The following FHOD3 variants were observed in gnomAD, a reference collection of about 807,000 sequenced individuals.
FHOD3 encodes the protein FH1/FH2 domain-containing protein 3.
Under a neutral mutation model 173.0 loss-of-function variants are expected in FHOD3, and 90 were observed. The ratio of observed to expected loss-of-function variants is 0.52; its 90% CI spans 0.44 to 0.62. FHOD3 has a LOEUF of 0.62. Ranked by LOEUF, FHOD3 falls within the 20% of genes least tolerant of loss-of-function variation. The pLI is 0.00. For missense variants in FHOD3, 1,945 were observed against 2,034.7 expected, an observed-to-expected ratio of 0.96 and a Z score of 0.85; for synonymous variants, 828 against 823.0, an observed-to-expected ratio of 1.01 and a Z score of -0.10.
At chr18:36,520,459 T>G (rs2056220201) in intron 5 of FHOD3, among the ~76,000 whole-genome samples, 1 of 152,190 alleles carries the variant, frequency 6.6e-6, no homozygotes, top group Admixed American at 6.5e-5. Flanking sequence ...ACTTTTTACC[T>G]ACAGAAAGGG....
intron 15 of FHOD3, among the ~76,000 whole-genome samples, chr18:36,684,990 A>G (rs1027376512): frequency 6.6e-6 from 1 of 152,084 alleles, no homozygotes; most frequent in Non-Finnish European, 1.5e-5. Context: ...TTTTTTGTAG[A>G]GATGAGGTTT....
intron 2 of FHOD3, among the ~76,000 whole-genome samples, chr18:36,369,050 C>A (rs2047037559): frequency 6.6e-6 from 1 of 152,180 alleles, no homozygotes; most frequent in African/African-American, 2.4e-5. Context: ...GCATGATAAG[C>A]ATTCCATAAA....
intron 5 of FHOD3, among the ~76,000 whole-genome samples, chr18:36,560,657 G>A (rs1225417858): frequency 1.3e-5 from 2 of 152,164 alleles, no homozygotes; most frequent in Non-Finnish European, 2.9e-5. Context: ...GGGTGTGTAT[G>A]TCAGTCTTTA....
Position 36,297,841 on chromosome 18 carries a change from C to A in FHOD3, c.6C>A (p.Ala2=). The change falls in exon 1 of 29, where the codon GCC becomes GCA. Residue 2 remains alanine, a synonymous_variant. Transcript: ENST00000590592. ...CCCCGCGGCAGGGATGCATCATGGCCACGCTGGCTTGCCGGGTGCAGTTCT... is the reference window on the plus strand; with the variant it reads ...CCCCGCGGCAGGGATGCATCATGGCAACGCTGGCTTGCCGGGTGCAGTTCT... M[A]TLACRVQFLD... 2 of 1,526,662 alleles carry A rather than the reference C, an allele frequency of 1.3e-6. No homozygotes were observed. Among genetic ancestry groups the A allele is most frequent in the Non-Finnish European group, 1.8e-6 (2 of 1,136,398 alleles). 94.6% of individuals were successfully genotyped at this position (1,526,662 alleles called of 1,614,324 possible).
At chr18:36,440,051 C>T (rs1320886000) in intron 3 of FHOD3, among the ~76,000 whole-genome samples, 2 of 152,282 alleles carry the variant, frequency 1.3e-5, no homozygotes, top group South Asian at 4.1e-4. Flanking sequence ...GTCAAGTTGA[C>T]ACTTAACCTC....
chr18:36,532,685 C>G (rs2056835339), intron 5 of FHOD3, among the ~76,000 whole-genome samples: 1 of 152,188 alleles, frequency 6.6e-6, no homozygotes, highest in Non-Finnish European at 1.5e-5. Context: ...ACGTGTTGTT[C>G]CACAAATCCT....
At chr18:36,307,807 A>C (rs2092143620) in intron 1 of FHOD3, among the ~76,000 whole-genome samples, 1 of 152,248 alleles carries the variant, frequency 6.6e-6, no homozygotes, top group South Asian at 2.1e-4. Flanking sequence ...GAATGAACAC[A>C]TGGATACATT....
chr18:36,701,403 A>C (rs1418631464), intron 17 of FHOD3, among the ~76,000 whole-genome samples: 1 of 152,216 alleles, frequency 6.6e-6, no homozygotes, highest in African/African-American at 2.4e-5. Context: ...AGAATAATTG[A>C]ACCTGAAATT....
intron 1 of FHOD3, among the ~76,000 whole-genome samples, chr18:36,314,567 A>G (rs1413883928): frequency 1.3e-5 from 2 of 152,182 alleles, no homozygotes; most frequent in Non-Finnish European, 2.9e-5. Flanking sequence ...GGGAACAGAT[A>G]TTTAAGAAGT....
At chr18:36,611,248 T>C (rs1806998170) in intron 8 of FHOD3, among the ~76,000 whole-genome samples, 1 of 152,210 alleles carries the variant, frequency 6.6e-6, no homozygotes, top group African/African-American at 2.4e-5. Context: ...GTAGGTTAGT[T>C]TTCTATTGCC....
At chr18:36,301,186 C>T (rs972675519) in intron 1 of FHOD3, among the ~76,000 whole-genome samples, 1 of 152,198 alleles carries the variant, frequency 6.6e-6, no homozygotes, top group Non-Finnish European at 1.5e-5. Context: ...ATTTTTAAAG[C>T]TCTCCTAGGG....
chr18:36,646,449 T>C (rs1260158253), intron 10 of FHOD3, among the ~76,000 whole-genome samples: 1 of 152,188 alleles, frequency 6.6e-6, no homozygotes, highest in Non-Finnish European at 1.5e-5. Context: ...TGTCAGTTCT[T>C]CAAATTTGCA....
At chr18:36,473,369 G>A (rs1409397279) in intron 3 of FHOD3, among the ~76,000 whole-genome samples, 1 of 152,212 alleles carries the variant, frequency 6.6e-6, no homozygotes, top group Non-Finnish European at 1.5e-5. Flanking sequence ...AGCCAAGATT[G>A]TGCCACTGCA....
At chr18:36,385,618 T>C (rs1198126151) in intron 3 of FHOD3, among the ~76,000 whole-genome samples, 1 of 152,202 alleles carries the variant, frequency 6.6e-6, no homozygotes, top group Non-Finnish European at 1.5e-5. Flanking sequence ...GCTAGACTGG[T>C]CTCAAACTCC....
At chr18:36,321,793 G>C (rs1224966709) in intron 1 of FHOD3, among the ~76,000 whole-genome samples, 3 of 152,162 alleles carry the variant, frequency 2.0e-5, no homozygotes, top group Non-Finnish European at 2.9e-5. Context: ...GAATATGCAG[G>C]GGGGGCACTT....
At chr18:36,565,628 C>A (rs2058235340) in intron 5 of FHOD3, among the ~76,000 whole-genome samples, 1 of 149,166 alleles carries the variant, frequency 6.7e-6, no homozygotes, top group East Asian at 1.9e-4. Context: ...TCATACCATT[C>A]ATTTATTTTT....
chr18:36,668,532 C>T (rs893541844), intron 14 of FHOD3, among the ~76,000 whole-genome samples: 16 of 151,846 alleles, frequency 1.1e-4, no homozygotes, highest in South Asian at 1.0e-3. Context: ...CTTCTGCTCA[C>T]TTTGTGTAAA....
chr18:36,502,293 A>C (rs1335137550), intron 4 of FHOD3, among the ~76,000 whole-genome samples: 1 of 151,768 alleles, frequency 6.6e-6, no homozygotes, highest in Non-Finnish European at 1.5e-5. Context: ...CACATGTGCA[A>C]AATGTGCAGG....
chr18:36,709,375 C>T lies in FHOD3; in HGVS notation c.2517C>T (p.Ser839=). 6.2e-7 allele frequency: 1 copy of T among 1,613,380 alleles called. No individual in the cohort carries two copies. The highest frequency in any genetic ancestry group is 8.5e-7 in the Non-Finnish European group (1 of 1,179,528). The stretch of plus-strand genomic sequence containing the variant: ...GGGAGGAGAAGGAGGACAAGCTCTC[C>T]AGGGACAGGACAACTGGTAAATGAA... ...LEREEKEDKL[S]RDRTTGLWPA... Residue 839 remains serine, a synonymous_variant, in exon 18 of 29, where the codon TCC becomes TCT. Transcript: ENST00000590592.
Sources: gnomAD v4.1 joint callset for allele counts (sites outside exome capture counted in the v4.1 genomes callset) on GRCh38, gnomAD v4.1.1 for gene constraint, MANE v1.5 for transcripts, NCBI Gene and HGNC (gene_info 2026-07-23, HGNC 2026-07-21) for gene names.